Variants in ZMYND11 observed in about 807,000 individuals in gnomAD.
ZMYND11 encodes the protein zinc finger MYND domain-containing protein 11.
Under a neutral mutation model 84.9 loss-of-function variants are expected in ZMYND11, and 9 were observed. The observed-to-expected ratio is 0.11, with a 90% CI of 0.06 to 0.18. The LOEUF is 0.18. ZMYND11 is among the 10% of genes least tolerant of loss of function. The probability of loss-of-function intolerance (pLI) is 1.00; values close to 1 mark genes in which losing one functional copy is unlikely to be tolerated. For missense variants in ZMYND11, 409 were observed against 761.0 expected (o/e 0.54, Z 5.44); for synonymous variants, 250 against 244.1 (o/e 1.02, Z -0.23).
intron 1 of ZMYND11, chr10:148,232 G>A (rs1554755933): frequency 3.3e-5 from 5 of 150,734 alleles, no homozygotes; most frequent in Non-Finnish European, 5.9e-5. Context: ...CCTTTGCTCT[G>A]GGAAGAAGTC....
intron 3 of ZMYND11, among the ~76,000 whole-genome samples, chr10:216,191 C>T (rs1164345132): frequency 1.3e-5 from 2 of 152,182 alleles, no homozygotes; most frequent in African/African-American, 4.8e-5. Flanking sequence ...CCACCGTAGG[C>T]AGCCATGGCA....
chr10:191,872 G>C (rs945345640), intron 2 of ZMYND11, among the ~76,000 whole-genome samples: 14 of 152,070 alleles, frequency 9.2e-5, no homozygotes, highest in African/African-American at 3.4e-4. Flanking sequence ...ATTATCTGTA[G>C]TGGTTGCACA....
chr10:231,184 C>T (rs1948967176), intron 4 of ZMYND11, among the ~76,000 whole-genome samples: 1 of 152,308 alleles, frequency 6.6e-6, no homozygotes, highest in East Asian at 1.9e-4. Flanking sequence ...ACCACATGGT[C>T]GCAAAGCCTA....
chr10:139,687 T>C (rs1554753443), intron 1 of ZMYND11, among the ~76,000 whole-genome samples: 2 of 149,940 alleles, frequency 1.3e-5, no homozygotes, highest in Non-Finnish European at 3.0e-5. Context: ...CTGTCCAACT[T>C]AAACTTACAC....
Position 252,437 on chromosome 10 carries a change from G to A in ZMYND11, c.1776G>A (p.Ala592=), listed in dbSNP as rs770351439. ...AGTGCCAGCAGGAGCACTGGCACGC[G>A]GAGCACAAGCGCACCTGCCGCCGGA... ...SIKCQQEHWH[A]EHKRTCRRKR The change falls in exon 15 of 15, where the codon GCG becomes GCA. Residue 592 remains alanine (A), a synonymous_variant. Coordinates refer to ENST00000381604, the MANE Select transcript of ZMYND11 (RefSeq NM_001370100.5). The surrounding 1 kb of genome is among the most constrained non-coding windows in gnomAD (Gnocchi z 4.6). 4.8e-5 allele frequency: 78 copies of A among 1,613,084 alleles called. No homozygotes were observed. The highest frequency in any genetic ancestry group is 5.9e-5 in the Non-Finnish European group (70 of 1,179,996).
intron 10 of ZMYND11, among the ~76,000 whole-genome samples, chr10:244,956 CAG>C (rs1303636709): frequency 6.6e-6 from 1 of 152,190 alleles, no homozygotes; most frequent in Non-Finnish European, 1.5e-5. Flanking sequence ...CTGCTTGTAA[CAG>C]AATTCTCTCT....
At chr10:235,649 C>G (rs774507953) in intron 4 of ZMYND11, among the ~76,000 whole-genome samples, 14 of 152,256 alleles carry the variant, frequency 9.2e-5, no homozygotes, top group Non-Finnish European at 1.8e-4. Flanking sequence ...TGATGCGAGG[C>G]CAGGGTTGAG....
intron 2 of ZMYND11, among the ~76,000 whole-genome samples, chr10:209,073 T>G (rs1478066417): frequency 6.6e-6 from 1 of 151,878 alleles, no homozygotes; most frequent in African/African-American, 2.4e-5. Context: ...AGATCAGCGT[T>G]GAGGTTTGTT....
chr10:134,559 C>G (rs1414368125), upstream of ZMYND11: 2 of 152,264 alleles, frequency 1.3e-5, no homozygotes, highest in African/African-American at 4.8e-5. Context: ...AAACGGGGAA[C>G]TTAGCGTATC....
intron 12 of ZMYND11, among the ~76,000 whole-genome samples, chr10:248,049 A>G (rs1213780000): frequency 6.6e-6 from 1 of 152,222 alleles, no homozygotes; most frequent in East Asian, 1.9e-4. Context: ...TTATTTTAAA[A>G]ACAAAACTTA....
chr10:236,845 A>G lies in ZMYND11; in HGVS notation c.446A>G (p.Lys149Arg). Residue 149 changes from lysine (K) to arginine (R), a missense_variant, in exon 5 of 15, where the codon AAG becomes AGG. Coordinates refer to ENST00000381604, the MANE Select transcript of ZMYND11 (RefSeq NM_001370100.5). ...PWQCPVCRSIKKKNTNKQEMG... is the reference protein window; with the variant it reads ...PWQCPVCRSIRKKNTNKQEMG... ...TTCTTTTTTTTTCAATAGAGCATTA[A>G]GAAGAAGAATACAAACAAACAGGAG... 1 of 1,612,168 alleles carries G rather than the reference A, an allele frequency of 6.2e-7. No homozygotes were observed. Among genetic ancestry groups the G allele is most frequent in the South Asian group, 1.1e-5 (1 of 90,700 alleles).
At chr10:135,014 C>G (rs1297305234), upstream of ZMYND11, 1 of 149,056 alleles carries the variant, frequency 6.7e-6, no homozygotes, top group East Asian at 2.0e-4. The surrounding 1 kb of genome is among the most constrained non-coding windows in gnomAD (Gnocchi z 5.6). Context: ...CGGGGCGCCT[C>G]GACCCGACAC....
chr10:166,474 A>G (rs1844045030), intron 1 of ZMYND11, among the ~76,000 whole-genome samples: 1 of 152,138 alleles, frequency 6.6e-6, no homozygotes, highest in African/African-American at 2.4e-5. Context: ...TACATATCCA[A>G]TAAATACATG....
chr10:227,056 C>T (rs765311495), intron 4 of ZMYND11, among the ~76,000 whole-genome samples: 29 of 151,932 alleles, frequency 1.9e-4, no homozygotes, highest in Non-Finnish European at 2.6e-4. Context: ...CAAAATCAGC[C>T]CACTTAACAA....
rs1479846059 is a variant in ZMYND11 at position 247,561 on chromosome 10, T to C, written c.1227+95T>C. On this transcript the variant is annotated intron_variant, in intron 12 of 14. Coordinates refer to ENST00000381604, the MANE Select transcript of ZMYND11 (RefSeq NM_001370100.5). ...TTCAAAGTATTTCAAAGACAGTCACTCTTGGTGGATACTTGTGAAATTCAG... is the reference window on the plus strand; with the variant it reads ...TTCAAAGTATTTCAAAGACAGTCACCCTTGGTGGATACTTGTGAAATTCAG... 3.0e-6 allele frequency: 4 copies of C among 1,314,506 alleles called. No individual in the cohort carries two copies. The African/African-American group carries it at 4.4e-5, about 15-fold the overall frequency. 81.4% of individuals were successfully genotyped at this position (1,314,506 alleles called of 1,614,324 possible). A position where few individuals can be genotyped will look rare whatever the true frequency, so the allele number is the denominator to read the frequency against.
chr10:187,681 C>G (rs1000397371), intron 2 of ZMYND11, among the ~76,000 whole-genome samples: 21 of 151,388 alleles, frequency 1.4e-4, no homozygotes, highest in African/African-American at 4.6e-4. Context: ...TTAACAAGCT[C>G]CAACATTTTG....
At chr10:223,320 T>G (rs1947470194) in intron 4 of ZMYND11, among the ~76,000 whole-genome samples, 1 of 152,234 alleles carries the variant, frequency 6.6e-6, no homozygotes, top group Admixed American at 6.5e-5. Flanking sequence ...ATTACTGTTG[T>G]GAGCCATCGT....
chr10:249,006 G>T lies in ZMYND11; in HGVS notation c.1604G>T (p.Cys535Phe). 6.2e-7 allele frequency: 1 copy of T among 1,614,202 alleles called. No individual in the cohort carries two copies. The highest frequency in any genetic ancestry group is 8.5e-7 in the Non-Finnish European group (1 of 1,180,026). The change falls in exon 14 of 15, where the codon TGT becomes TTT. Residue 535 changes from cysteine (C) to phenylalanine (F), a missense_variant. Physicochemically the swap from Cys to Phe is radical, Grantham distance 205 (BLOSUM62 -2). Coordinates refer to ENST00000381604, the MANE Select transcript of ZMYND11 (RefSeq NM_001370100.5). ...AAATGTAAGCAAGTAAAGGAAAAGTGTAAGGAAGAATTTGTAGAAGAAATC... is the reference window on the plus strand; with the variant it reads ...AAATGTAAGCAAGTAAAGGAAAAGTTTAAGGAAGAATTTGTAGAAGAAATC... ...DRKCKQVKEKCKEEFVEEIKK... is the reference protein window; with the variant it reads ...DRKCKQVKEKFKEEFVEEIKK...
intron 3 of ZMYND11, among the ~76,000 whole-genome samples, chr10:220,569 A>C (rs1946973022): frequency 6.6e-6 from 1 of 152,148 alleles, no homozygotes; most frequent in South Asian, 2.1e-4. Flanking sequence ...TTCTGTGGTA[A>C]TCTCCTTTGG....
Sources: gnomAD v4.1 joint callset for allele counts (sites outside exome capture counted in the v4.1 genomes callset) on GRCh38, gnomAD v4.1.1 for gene constraint, Gnocchi (gnomAD v3.1) non-coding constraint, MANE v1.5 for transcripts, NCBI Gene and HGNC (gene_info 2026-07-23, HGNC 2026-07-21) for gene names.